The following MEIKIN variants were observed in gnomAD, a reference collection of about 807,000 sequenced individuals.
MEIKIN encodes meiotic kinetochore factor, also known as meiosis-specific kinetochore protein.
intron 11 of MEIKIN, among the ~76,000 whole-genome samples, chr5:131,841,807 G>A (rs1457243131): frequency 1.3e-5 from 2 of 151,872 alleles, no homozygotes; most frequent in African/African-American, 2.4e-5. Flanking sequence ...TTGCCTCCTT[G>A]GTTGTATTTG....
chr5:131,893,914 T>C (rs1223602559), intron 8 of MEIKIN, among the ~76,000 whole-genome samples: 1 of 152,242 alleles, frequency 6.6e-6, no homozygotes, highest in African/African-American at 2.4e-5. Context: ...TAGATCCCAT[T>C]TGTCTATTTT....
chr5:131,904,901 A>T (rs1751218292), intron 8 of MEIKIN, among the ~76,000 whole-genome samples: 1 of 152,160 alleles, frequency 6.6e-6, no homozygotes, highest in Non-Finnish European at 1.5e-5. Flanking sequence ...ACAGAAAACC[A>T]AACACCACAT....
intron 8 of MEIKIN, among the ~76,000 whole-genome samples, chr5:131,891,023 G>A (rs1033116010): frequency 5.9e-5 from 9 of 152,098 alleles, no homozygotes; most frequent in East Asian, 1.9e-4. Context: ...GTAGTTGAGC[G>A]GTTTTGAGTG....
At chr5:131,898,602 C>T (rs1751095697) in intron 8 of MEIKIN, among the ~76,000 whole-genome samples, 2 of 152,264 alleles carry the variant, frequency 1.3e-5, no homozygotes, top group South Asian at 2.1e-4. Context: ...TTCCCAGCCA[C>T]TTTGTTTACC....
intron 4 of MEIKIN, among the ~76,000 whole-genome samples, chr5:131,936,761 CT>C (rs1035244620): frequency 6.6e-6 from 1 of 151,790 alleles, no homozygotes; most frequent in Middle Eastern, 3.2e-3. Context: ...CGCCTGGCTA[CT>C]TTTTCGTACT....
At chr5:131,845,422 A>C (rs2149612990) in intron 11 of MEIKIN, among the ~76,000 whole-genome samples, 1 of 152,058 alleles carries the variant, frequency 6.6e-6, no homozygotes, top group East Asian at 1.9e-4. Flanking sequence ...AGTATGGTAC[A>C]TTCAAATGGA....
At chr5:131,821,326 T>G (rs918391431) in intron 11 of MEIKIN, among the ~76,000 whole-genome samples, 2 of 152,208 alleles carry the variant, frequency 1.3e-5, no homozygotes, top group Admixed American at 1.3e-4. Context: ...TCATTATTGA[T>G]TTTAAGTTTT....
intron 7 of MEIKIN, among the ~76,000 whole-genome samples, chr5:131,915,020 C>T (rs1239529242): frequency 6.6e-6 from 1 of 152,116 alleles, no homozygotes; most frequent in African/African-American, 2.4e-5. Context: ...AGAGAGGGGG[C>T]ATCAGTTAGC....
intron 9 of MEIKIN, among the ~76,000 whole-genome samples, chr5:131,872,654 A>G (rs1452342063): frequency 2.0e-5 from 3 of 152,214 alleles, no homozygotes. Flanking sequence ...AGAACACCAC[A>G]AAGATACTCC....
intron 5 of MEIKIN, among the ~76,000 whole-genome samples, chr5:131,928,143 C>CAAA (rs60395354): frequency 3.4e-5 from 3 of 88,726 alleles, no homozygotes; most frequent in African/African-American, 3.7e-5. Flanking sequence ...AACTCCGTCT[C>CAAA]AAAAAAAAAA....
intron 5 of MEIKIN, among the ~76,000 whole-genome samples, chr5:131,925,915 G>T (rs998168425): frequency 1.3e-5 from 2 of 152,106 alleles, no homozygotes; most frequent in Non-Finnish European, 2.9e-5. Flanking sequence ...TGATCTGCCC[G>T]CCTTGGCCTC....
chr5:131,871,772 C>A (rs1750505658), intron 9 of MEIKIN, among the ~76,000 whole-genome samples: 1 of 152,170 alleles, frequency 6.6e-6, no homozygotes, highest in African/African-American at 2.4e-5. Context: ...TGACACCTCA[C>A]ACAGCCGGGT....
At chr5:131,807,895 C>G (rs988925289) in intron 12 of MEIKIN, among the ~76,000 whole-genome samples, 2 of 152,152 alleles carry the variant, frequency 1.3e-5, no homozygotes, top group African/African-American at 4.8e-5. Context: ...ATTTTAAAAT[C>G]CTGATATCTA....
chr5:131,875,405 G>T (rs1750593535), intron 9 of MEIKIN, among the ~76,000 whole-genome samples: 1 of 152,070 alleles, frequency 6.6e-6, no homozygotes, highest in South Asian at 2.1e-4. Context: ...TGGCTTCAAA[G>T]AGAATAAAAT....
rs888224723 is a variant in MEIKIN at position 131,862,390 on chromosome 5, G to A, written c.775-7556C>T. 4.6e-5 allele frequency among the ~76,000 whole-genome samples: 7 copies of A among 151,904 alleles called. No individual in the cohort carries two copies. The South Asian group carries it at 6.2e-4, about 14-fold the overall frequency. On this transcript the variant is annotated intron_variant, in intron 9 of 12. Transcript: ENST00000442687. Reference sequence around the variant, plus strand: ...TATTAATTTTATCTTTTTGAACAACGAACTTTTCATTTCATTGATACTTTG... The same window carrying A: ...TATTAATTTTATCTTTTTGAACAACAAACTTTTCATTTCATTGATACTTTG...
At chr5:131,866,870 T>C (rs1457484023) in intron 9 of MEIKIN, among the ~76,000 whole-genome samples, 1 of 152,206 alleles carries the variant, frequency 6.6e-6, no homozygotes, top group Non-Finnish European at 1.5e-5. Context: ...ATTAGATCTC[T>C]AGGCCACAGA....
At chr5:131,891,274 T>A (rs921933096) in intron 8 of MEIKIN, among the ~76,000 whole-genome samples, 1 of 152,214 alleles carries the variant, frequency 6.6e-6, no homozygotes, top group Admixed American at 6.5e-5. Flanking sequence ...TATGTCCTTG[T>A]TAACTTTCTG....
intron 11 of MEIKIN, among the ~76,000 whole-genome samples, chr5:131,834,072 T>C (rs1561726391): frequency 6.6e-6 from 1 of 152,220 alleles, no homozygotes; most frequent in Non-Finnish European, 1.5e-5. Context: ...TGGTAGTGGA[T>C]ACTAAAACAA....
intron 11 of MEIKIN, among the ~76,000 whole-genome samples, chr5:131,848,962 C>A (rs1356387239): frequency 6.6e-6 from 1 of 152,068 alleles, no homozygotes; most frequent in African/African-American, 2.4e-5. Context: ...AAGGAAAAAA[C>A]AACTGATCTT....
Sources: allele counts gnomAD v4.1 joint callset (sites outside exome capture counted in the v4.1 genomes callset), GRCh38; gene constraint gnomAD v4.1.1; transcripts MANE v1.5; gene names NCBI Gene and HGNC (gene_info 2026-07-23, HGNC 2026-07-21).